The following TBC1D31 variants were observed in gnomAD, a reference collection of about 807,000 sequenced individuals.
TBC1D31 encodes TBC1 domain family member 31, also known as WD repeat domain 67.
In TBC1D31, 99 loss-of-function variants were observed where a neutral mutation model predicts 132.9. The ratio of observed to expected loss-of-function variants is 0.74; its 90% CI spans 0.63 to 0.88. The LOEUF is 0.88. TBC1D31 is among the 40% of genes least tolerant of loss of function. TBC1D31 has a pLI of 0.00. For synonymous variants in TBC1D31, 385 were observed against 419.4 expected (o/e 0.92, Z 1.00); for missense variants, 1,134 against 1,256.6 (o/e 0.90, Z 1.48).
intron 11 of TBC1D31, among the ~76,000 whole-genome samples, chr8:123,125,330 T>C (rs1451060745): frequency 6.6e-6 from 1 of 152,228 alleles, no homozygotes; most frequent in African/African-American, 2.4e-5. Flanking sequence ...AAGTCAGCCT[T>C]AGAGTTAGTT....
At chr8:123,146,352 G>A (rs1822211779) in intron 20 of TBC1D31, among the ~76,000 whole-genome samples, 1 of 152,100 alleles carries the variant, frequency 6.6e-6, no homozygotes, top group Admixed American at 6.5e-5. Context: ...CCAAGCCCCT[G>A]GCAGCTACTA....
At chr8:123,078,150 A>C (rs1457765376) in intron 2 of TBC1D31, among the ~76,000 whole-genome samples, 2 of 152,188 alleles carry the variant, frequency 1.3e-5, no homozygotes, top group Non-Finnish European at 2.9e-5. Flanking sequence ...GGAGATAGGT[A>C]TTCATGCAGC....
intron 4 of TBC1D31, among the ~76,000 whole-genome samples, chr8:123,093,286 A>G (rs1222278974): frequency 6.6e-6 from 1 of 152,124 alleles, no homozygotes; most frequent in Non-Finnish European, 1.5e-5. Flanking sequence ...GATACTCAAA[A>G]TTATATCTTG....
chr8:123,158,066 C>A, the TBC1D31 span, among the ~76,000 whole-genome samples: 1 of 143,486 alleles, frequency 7.0e-6, no homozygotes, highest in Non-Finnish European at 1.5e-5. Context: ...TCAGGAATAA[C>A]CGTGGAAGCG....
chr8:123,105,520 G>T, intron 8 of TBC1D31, 56 bp downstream of exon 8: 1 of 1,430,902 alleles, frequency 7.0e-7, no homozygotes, highest in South Asian at 1.3e-5. Context: ...CAAGTCTTGT[G>T]ATTTCTAAGC....
At chr8:123,138,692 G>C (rs574244583) in intron 17 of TBC1D31, among the ~76,000 whole-genome samples, 31 of 152,248 alleles carry the variant, frequency 2.0e-4, no homozygotes, top group Admixed American at 1.0e-3. Context: ...GATTTTTTAT[G>C]ACTGGCTTCT....
At chr8:123,147,863 C>T (rs1332097558) in intron 20 of TBC1D31, among the ~76,000 whole-genome samples, 2 of 152,120 alleles carry the variant, frequency 1.3e-5, no homozygotes, top group Non-Finnish European at 2.9e-5. Context: ...CGCGGTGGCT[C>T]ACTCCTGTAA....
chr8:123,088,910 C>T (rs1380951296), intron 4 of TBC1D31, among the ~76,000 whole-genome samples: 2 of 151,986 alleles, frequency 1.3e-5, no homozygotes, highest in Non-Finnish European at 2.9e-5. Flanking sequence ...TTTAATTTGT[C>T]TGTCTTTCAC....
Position 123,149,910 on chromosome 8 carries a change from TA to T in TBC1D31, c.2975-122del, listed in dbSNP as rs1193988327. On this transcript the variant is annotated intron_variant, in intron 20 of 21. Transcript: ENST00000287380. Reference sequence around the variant, plus strand: ...TTTTGAATGTTGACCGCATTCTTCTTAAAATAGAAAAGAAAGGAGTTTTTAG... The same window carrying T: ...TTTTGAATGTTGACCGCATTCTTCTTAAATAGAAAAGAAAGGAGTTTTTAG... The T allele has an allele frequency of 4.0e-5, 24 of 596,564 alleles. No homozygotes were observed. The South Asian group carries it at 6.1e-4, about 15-fold the overall frequency. The allele number at this position is 596,564 out of a possible 1,614,324, so 37.0% of individuals were successfully genotyped here. A position where few individuals can be genotyped will look rare whatever the true frequency, so the allele number is the denominator to read the frequency against.
downstream of TBC1D31, among the ~76,000 whole-genome samples, chr8:123,156,413 C>T (rs1020793479): frequency 6.8e-6 from 1 of 146,702 alleles, no homozygotes; most frequent in Admixed American, 6.9e-5. Flanking sequence ...TACAGTCCAG[C>T]CTGGGCAACA....
intron 10 of TBC1D31, among the ~76,000 whole-genome samples, chr8:123,116,954 T>C (rs1320727966): frequency 1.3e-5 from 2 of 152,154 alleles, no homozygotes; most frequent in East Asian, 1.9e-4. Flanking sequence ...AAAATCACTA[T>C]TGGGACACCA....
the TBC1D31 span, among the ~76,000 whole-genome samples, chr8:123,163,797 C>T: frequency 2.6e-5 from 4 of 152,082 alleles, no homozygotes; most frequent in Non-Finnish European, 2.9e-5. Context: ...AGGAGTGTAC[C>T]CAAAGTGTAG....
At chr8:123,156,385 G>A (rs1001861707), downstream of TBC1D31, among the ~76,000 whole-genome samples, 1 of 148,488 alleles carries the variant, frequency 6.7e-6, no homozygotes, top group African/African-American at 2.5e-5. Flanking sequence ...AGGTTGCAGT[G>A]AGCCAAGACC....
intron 1 of TBC1D31, 99 bp from the exon 2 acceptor site, chr8:123,077,011 AG>A: frequency 8.7e-7 from 1 of 1,151,230 alleles, no homozygotes; most frequent in Non-Finnish European, 1.2e-6. Context: ...GCAGTAGGAG[AG>A]GGAAGAATGA....
Position 123,129,116 on chromosome 8 carries a change from A to G in TBC1D31, c.2168A>G (p.Asp723Gly), listed in dbSNP as rs1820377592. ...AAAGTCGACCAGCAAAGAGTTGAAGATGAAGCTTGGTACCAGAAACAGGAG... is the reference window on the plus strand; with the variant it reads ...AAAGTCGACCAGCAAAGAGTTGAAGGTGAAGCTTGGTACCAGAAACAGGAG... ...QAKVDQQRVE[D>G]EAWYQKQELL... is the part of the protein sequence containing the mutation. The change falls in exon 15 of 22, where the codon GAT becomes GGT. Residue 723 changes from aspartate (D) to glycine (G), a missense_variant. Coordinates refer to ENST00000287380, the MANE Select transcript of TBC1D31 (RefSeq NM_145647.4). 2 of 1,610,740 alleles carry G rather than the reference A, an allele frequency of 1.2e-6. No individual in the cohort carries two copies. Among genetic ancestry groups the G allele is most frequent in the Non-Finnish European group, 1.7e-6 (2 of 1,177,600 alleles).
At chr8:123,114,096 T>C (rs561985020) in intron 10 of TBC1D31, among the ~76,000 whole-genome samples, 2 of 152,330 alleles carry the variant, frequency 1.3e-5, no homozygotes, top group South Asian at 2.1e-4. Flanking sequence ...TGTAGACTTC[T>C]GTATTAAAAG....
chr8:123,122,814 C>T (rs13271524), intron 11 of TBC1D31, among the ~76,000 whole-genome samples: 26,174 of 151,806 alleles, frequency 0.17, 2,395 homozygotes, highest in Admixed American at 0.23. Flanking sequence ...TGTTTTATAC[C>T]AAGGAAATTG....
intron 16 of TBC1D31, among the ~76,000 whole-genome samples, chr8:123,133,147 T>C (rs965134138): frequency 2.6e-5 from 4 of 152,260 alleles, no homozygotes; most frequent in Non-Finnish European, 5.9e-5. Context: ...TACATGTGAC[T>C]GTGAACATCT....
chr8:123,159,661 G>T, the TBC1D31 span, among the ~76,000 whole-genome samples: 764 of 152,202 alleles, frequency 5.0e-3, 7 homozygotes, highest in African/African-American at 0.017. Flanking sequence ...GTGTGGTGGC[G>T]CATGCCTGTA....
Sources: gnomAD v4.1 joint callset for allele counts (sites outside exome capture counted in the v4.1 genomes callset) on GRCh38, gnomAD v4.1.1 for gene constraint, MANE v1.5 for transcripts, NCBI Gene and HGNC (gene_info 2026-07-23, HGNC 2026-07-21) for gene names.